WDR90: variants seen among roughly 807,000 people sequenced by gnomAD.
The protein encoded by WDR90 is WD repeat-containing protein 90.
WDR90 carries 238 observed loss-of-function variants against 195.2 expected under a neutral mutation model. That is an observed-to-expected ratio of 1.22 (90% CI 1.10 to 1.36). The LOEUF (loss-of-function observed/expected upper bound fraction) is 1.36. Ranked by LOEUF, WDR90 falls within the 40% of genes most tolerant of loss-of-function variation. WDR90 has a pLI of 0.00. For missense variants in WDR90, 2,734 were observed against 2,439.5 expected (o/e 1.12, Z -2.54); for synonymous variants, 1,265 against 1,052.4 (o/e 1.20, Z -3.91).
chr16:665,440 G>C, intron 34 of WDR90: 1 of 619,244 alleles, frequency 1.6e-6, no homozygotes, highest in Non-Finnish European at 2.8e-6. Context: ...CTTTCTCCTC[G>C]GTATCCCGCC....
At position 655,788 on chromosome 16, in the gene WDR90, T is replaced by C. The variant is rs1332904019; in HGVS notation, c.1865T>C (p.Ile622Thr). 1 of 1,588,464 alleles carries C rather than the reference T, an allele frequency of 6.3e-7. No individual in the cohort carries two copies. The highest frequency in any genetic ancestry group is 1.3e-5 in the African/African-American group (1 of 74,584). Reference protein sequence around the residue: ...QTFSSGPGIAISSLSVSPAMC... With the variant: ...QTFSSGPGIATSSLSVSPAMC... The stretch of plus-strand genomic sequence containing the variant: ...CTGCCCCCAGGCCCCGGCATTGCCA[T>C]CAGCAGCCTCAGCGTCTCCCCGGCC... The change falls in exon 17 of 41, where the codon ATC becomes ACC. Residue 622 changes from isoleucine to threonine, a missense_variant. Transcript: ENST00000293879.
rs1422458448 is a variant in WDR90, at chr16:661,768, G to T, written c.3845G>T (p.Gly1282Val). 1.2e-6 allele frequency: 2 copies of T among 1,604,976 alleles called. No individual in the cohort carries two copies. The change falls in exon 31 of 41, where the codon GGG becomes GTG. Residue 1282 changes from glycine (G) to valine (V), a missense_variant. Gly to Val is a moderately radical substitution (Grantham distance 109, BLOSUM62 -3). Coordinates refer to ENST00000293879, the MANE Select transcript of WDR90 (RefSeq NM_145294.5). The stretch of plus-strand genomic sequence containing the variant: ...ACCTTCTGGCTCCTTCAGCAGCGTG[G>T]GGCAGACATCAGCCTTCAGGTGCCA... The part of the protein sequence containing the change: ...TVTFWLLQQR[G>V]ADISLQVRRE...
chr16:650,141 G>C lies in WDR90; in HGVS notation c.253G>C (p.Val85Leu). 6.2e-7 allele frequency: 1 copy of C among 1,613,042 alleles called. No homozygotes were observed. The highest frequency in any genetic ancestry group is 1.1e-5 in the South Asian group (1 of 91,088). ...TCGGCCCCTGCCCAGCAAGCACTTC[G>C]TCATCCACCTCGATGTGTCCTCCAA... ...LFRPLPSKHF[V>L]IHLDVSSKDN... The change falls in exon 3 of 41, where the codon GTC becomes CTC. Residue 85 changes from valine (V) to leucine (L), a missense_variant. Val to Leu is a conservative substitution (Grantham distance 32). Transcript: ENST00000293879.
intron 20 of WDR90, 192 bp downstream of exon 20, chr16:657,413 GC>G: frequency 1.0e-6 from 1 of 978,876 alleles, no homozygotes. Context: ...GGACCCCAAG[GC>G]CAGAGGTCAG....
At chr16:659,541 C>T (rs1230156956) in intron 26 of WDR90, among the ~76,000 whole-genome samples, 165 bp downstream of exon 26, 1 of 152,166 alleles carries the variant, frequency 6.6e-6, no homozygotes, top group Non-Finnish European at 1.5e-5. Flanking sequence ...TTTTCCTCTC[C>T]TCCTTAGCCT....
At position 650,164 on chromosome 16, in the gene WDR90, C is replaced by T. The variant is rs1490100156; in HGVS notation, c.276C>T (p.Ser92=). 1 of 1,612,790 alleles carries T rather than the reference C, an allele frequency of 6.2e-7. No individual in the cohort carries two copies. The highest frequency in any genetic ancestry group is 8.5e-7 in the Non-Finnish European group (1 of 1,179,784). The change falls in exon 3 of 41, where the codon TCC becomes TCT. Residue 92 remains serine (S), a synonymous_variant. Coordinates refer to ENST00000293879, the MANE Select transcript of WDR90 (RefSeq NM_145294.5). ...TCGTCATCCACCTCGATGTGTCCTCCAAGGTACGGAGCCCGCGGCTGGGGG... is the reference window on the plus strand; with the variant it reads ...TCGTCATCCACCTCGATGTGTCCTCTAAGGTACGGAGCCCGCGGCTGGGGG... ...KHFVIHLDVS[S]KDNQVIRVSF... is the part of the protein sequence containing the mutation.
At chr16:657,261 C>T (rs769862965) in intron 20 of WDR90, 40 bp downstream of exon 20, 25 of 1,498,878 alleles carry the variant, frequency 1.7e-5, no homozygotes, top group East Asian at 1.2e-4. Context: ...CTCCTCAGGG[C>T]GGGGGAGGCC....
chr16:650,933 G>A (rs560340281), intron 5 of WDR90, 62 bp from the exon 6 acceptor site: 7 of 1,579,628 alleles, frequency 4.4e-6, no homozygotes, highest in Admixed American at 1.7e-5. Flanking sequence ...GCCTTGGCGG[G>A]TGCCCTGTGT....
intron 13 of WDR90, 33 bp from the exon 14 acceptor site, chr16:654,996 C>G: frequency 6.2e-7 from 1 of 1,603,682 alleles, no homozygotes; most frequent in Non-Finnish European, 8.5e-7. Flanking sequence ...CCGACTGGCC[C>G]TGCCGTGCGG....
At chr16:656,937 G>C (rs1358913387) in intron 19 of WDR90, 66 bp downstream of exon 19, 20 of 1,575,936 alleles carry the variant, frequency 1.3e-5, no homozygotes, top group Non-Finnish European at 1.6e-5. Context: ...GGCCAGGTGG[G>C]GGTCATGTGC....
chr16:662,946 C>T (rs756310554), intron 34 of WDR90, 102 bp downstream of exon 34: 145 of 1,501,100 alleles, frequency 9.7e-5, no homozygotes, highest in Middle Eastern at 1.7e-4. Flanking sequence ...CAAGTCCTGC[C>T]GTCACTGGCT....
intron 1 of WDR90, 37 bp from the exon 2 acceptor site, chr16:649,726 G>A (rs1423144453): frequency 1.3e-6 from 2 of 1,538,580 alleles, no homozygotes; most frequent in Admixed American, 4.0e-5. Flanking sequence ...GGCTCGCGTG[G>A]CCGAGTCCCC....
At chr16:649,631 C>G (rs1179972343) in intron 1 of WDR90, 132 bp from the exon 2 acceptor site, 18 of 1,168,120 alleles carry the variant, frequency 1.5e-5, no homozygotes, top group Non-Finnish European at 1.9e-5. Flanking sequence ...GCCAGCCTAG[C>G]TGGCGTTGGC....
intron 34 of WDR90, among the ~76,000 whole-genome samples, chr16:664,631 C>T (rs534326061): frequency 1.6e-4 from 25 of 152,034 alleles, no homozygotes; most frequent in Admixed American, 3.3e-4. Context: ...GGGAGATGGA[C>T]TGAGCTGTCC....
chr16:667,582 G>A lies in WDR90; in HGVS notation c.5240G>A (p.Gly1747Asp). 1 of 1,608,146 alleles carries A rather than the reference G, an allele frequency of 6.2e-7. No individual in the cohort carries two copies. Residue 1747 changes from glycine (G) to aspartate (D), a missense_variant, in exon 41 of 41, where the codon GGC (glycine) becomes GAC (aspartate). Transcript: ENST00000293879. ...RNEILVWEVPGL is the reference protein window; with the variant it reads ...RNEILVWEVPDL ...GAGATCCTTGTGTGGGAGGTCCCCG[G>A]CCTCTGAGATGCAGCAGGGACTGTG... is the stretch of plus-strand genomic sequence containing the variant.
At position 661,000 on chromosome 16, in the gene WDR90, GCCCCCCC is replaced by G. The variant is rs1162402927; in HGVS notation, c.3392-42_3392-36del. 3.3e-4 allele frequency: 6 copies of G among 18,372 alleles called. 1 individual carries two copies. Among genetic ancestry groups the G allele is most frequent in the Non-Finnish European group, 4.0e-4 (5 of 12,598 alleles). The allele number at this position is 18,372 out of a possible 1,614,324, so 1.1% of individuals were successfully genotyped here. On this transcript the variant is annotated intron_variant, in intron 28 of 40. Transcript: ENST00000293879. ...TCGGCCCCTCCCCAGGCCCCTCCCC[GCCCCCCC>G]CCCCCCCCGGCCCGGCCTCAGGCCC...
Position 666,475 on chromosome 16 carries a change from G to A in WDR90, c.4761G>A (p.Glu1587=), listed in dbSNP as rs769854186. ...TCKECEDLGV[E]GTDLWLAASG... ...CCCAGTGTGAAGACTTAGGGGTGGA[G>A]GGCACAGACCTATGGCTGGCTGCCA... is the stretch of plus-strand genomic sequence containing the variant. The change falls in exon 38 of 41, where the codon GAG becomes GAA. Residue 1587 remains glutamate, a synonymous_variant. Coordinates refer to ENST00000293879, the MANE Select transcript of WDR90 (RefSeq NM_145294.5). 5.6e-6 allele frequency: 9 copies of A among 1,612,450 alleles called. No individual in the cohort carries two copies. Among genetic ancestry groups the A allele is most frequent in the Non-Finnish European group, 7.6e-6 (9 of 1,179,798 alleles).
Position 660,600 on chromosome 16 carries a change from C to G in WDR90, c.3289-12C>G. 1 of 1,557,660 alleles carries G rather than the reference C, an allele frequency of 6.4e-7. No homozygotes were observed. The highest frequency in any genetic ancestry group is 8.7e-7 in the Non-Finnish European group (1 of 1,151,262). The stretch of plus-strand genomic sequence containing the variant: ...CTGGGCCCCAGCAGCATCCGGGTCT[C>G]CTTCCTCGCAGGGCACTTGCCCGCC... On this transcript the variant is annotated splice_polypyrimidine_tract_variant and intron_variant, in intron 27 of 40. Coordinates refer to ENST00000293879, the MANE Select transcript of WDR90 (RefSeq NM_145294.5).
At chr16:662,478 C>T in intron 33 of WDR90, 147 bp downstream of exon 33, 1 of 1,198,814 alleles carries the variant, frequency 8.3e-7, no homozygotes, top group Non-Finnish European at 1.1e-6. Flanking sequence ...TGGGTGTGGC[C>T]TGGGCCTCAC....
Sources: allele counts gnomAD v4.1 joint callset (sites outside exome capture counted in the v4.1 genomes callset), GRCh38; gene constraint gnomAD v4.1.1; transcripts MANE v1.5; gene names NCBI Gene and HGNC (gene_info 2026-07-23, HGNC 2026-07-21).